Variants in MNAT1 observed in about 807,000 individuals in gnomAD.
MNAT1 encodes MNAT1 component of CDK activating kinase, also known as CDK-activating kinase assembly factor MAT1.
In MNAT1, 43 loss-of-function variants were observed where a neutral mutation model predicts 42.0. The observed-to-expected ratio is 1.02, with a 90% confidence interval of 0.80 to 1.32. The LOEUF is 1.32. Ranked by LOEUF, MNAT1 falls within the 40% of genes most tolerant of loss-of-function variation. The probability of loss-of-function intolerance (pLI) is 0.00; values close to 1 mark genes in which losing one functional copy is unlikely to be tolerated. For synonymous variants in MNAT1, 118 were observed against 120.0 expected, an observed-to-expected ratio of 0.98 and a Z score of 0.11; for missense variants, 306 against 350.4, an observed-to-expected ratio of 0.87 and a Z score of 1.01.
chr14:60,891,111 T>C (rs2034833990), intron 7 of MNAT1, among the ~76,000 whole-genome samples: 1 of 152,202 alleles, frequency 6.6e-6, no homozygotes, highest in Non-Finnish European at 1.5e-5. Context: ...TTAATTTCTT[T>C]AGAATTGGTA....
intron 3 of MNAT1, among the ~76,000 whole-genome samples, chr14:60,805,343 C>T (rs984880707): frequency 4.6e-5 from 7 of 151,992 alleles, no homozygotes; most frequent in African/African-American, 1.7e-4. Context: ...GCACAGCCTC[C>T]CCCATTATTA....
intron 6 of MNAT1, among the ~76,000 whole-genome samples, chr14:60,865,498 G>A (rs1337952433): frequency 6.6e-6 from 1 of 152,048 alleles, no homozygotes; most frequent in Non-Finnish European, 1.5e-5. Flanking sequence ...TTTTAAAGGA[G>A]GCAGGTTTTG....
chr14:60,879,814 T>C lies in MNAT1; in HGVS notation c.788T>C (p.Leu263Pro), dbSNP rs2034513005. ...IETYGPHVPE[L>P]EMLGRLGYLN... ...ACATATGGACCACATGTTCCTGAGC[T>C]TGAGATGCTAGGAAGACTTGGGTAT... Residue 263 changes from leucine (L) to proline (P), a missense_variant, in exon 7 of 8, where the codon CTT becomes CCT. Leu to Pro is a moderately conservative substitution (Grantham distance 98, BLOSUM62 -3). Coordinates refer to ENST00000261245, the MANE Select transcript of MNAT1 (RefSeq NM_002431.4). 1 of 1,612,764 alleles carries C rather than the reference T, an allele frequency of 6.2e-7. No homozygotes were observed. Among genetic ancestry groups the C allele is most frequent in the Admixed American group, 1.7e-5 (1 of 59,900 alleles).
At chr14:60,803,253 C>A (rs1285388232) in intron 3 of MNAT1, among the ~76,000 whole-genome samples, 2 of 152,100 alleles carry the variant, frequency 1.3e-5, no homozygotes, top group Non-Finnish European at 2.9e-5. Context: ...CTGTAAAAAT[C>A]TTGTTTCAAT....
At chr14:60,885,311 C>T (rs2034640583) in intron 7 of MNAT1, among the ~76,000 whole-genome samples, 1 of 151,826 alleles carries the variant, frequency 6.6e-6, no homozygotes, top group African/African-American at 2.4e-5. Context: ...CCTATTTAGG[C>T]CCCATAACTC....
chr14:60,807,700 TTAG>T (rs2032415971), intron 3 of MNAT1, among the ~76,000 whole-genome samples: 1 of 152,134 alleles, frequency 6.6e-6, no homozygotes, highest in Admixed American at 6.6e-5. Flanking sequence ...TACAGAAAAT[TTAG>T]TAGTATCTAA....
chr14:60,762,671 A>C (rs907618087), intron 1 of MNAT1, among the ~76,000 whole-genome samples: 2 of 130,990 alleles, frequency 1.5e-5, no homozygotes, highest in African/African-American at 5.8e-5. Context: ...ACACCTCTGC[A>C]CTCCATTCTG....
At chr14:60,855,203 T>TG (rs1270222448) in intron 6 of MNAT1, among the ~76,000 whole-genome samples, 1 of 152,174 alleles carries the variant, frequency 6.6e-6, no homozygotes. Flanking sequence ...CACACTGCTG[T>TG]GCTGGCAGCG....
chr14:60,776,053 A>G (rs568822051), intron 1 of MNAT1, among the ~76,000 whole-genome samples: 5 of 152,348 alleles, frequency 3.3e-5, no homozygotes, highest in African/African-American at 1.2e-4. Flanking sequence ...ACTGGTAGAT[A>G]GATGGCTTCA....
intron 1 of MNAT1, among the ~76,000 whole-genome samples, chr14:60,764,171 G>C (rs1313265851): frequency 6.6e-6 from 1 of 151,916 alleles, no homozygotes; most frequent in African/African-American, 2.4e-5. Flanking sequence ...ATTTGTTAGT[G>C]GTATGATATA....
At position 60,876,259 on chromosome 14, in the gene MNAT1, T is replaced by A. The variant is rs542847674; in HGVS notation, c.688-3455T>A. 5.9e-5 allele frequency among the ~76,000 whole-genome samples: 9 copies of A among 152,226 alleles called. No individual in the cohort carries two copies. The East Asian group carries it at 1.7e-3, about 29-fold the overall frequency. Reference sequence around the variant, plus strand: ...TATAAGATTTAGCTTAACAGTTTCATGTTTATTTAGAAAGGCTGTGGAACA... The same window carrying A: ...TATAAGATTTAGCTTAACAGTTTCAAGTTTATTTAGAAAGGCTGTGGAACA... On this transcript the variant is annotated intron_variant, in intron 6 of 7. Coordinates refer to ENST00000261245, the MANE Select transcript of MNAT1 (RefSeq NM_002431.4).
At chr14:60,774,494 G>A (rs1056619564) in intron 1 of MNAT1, among the ~76,000 whole-genome samples, 1 of 152,156 alleles carries the variant, frequency 6.6e-6, no homozygotes, top group African/African-American at 2.4e-5. Context: ...TCATGAACAA[G>A]GGTGAGAAAT....
intron 6 of MNAT1, among the ~76,000 whole-genome samples, chr14:60,874,872 C>T (rs1594822463): frequency 6.6e-6 from 1 of 152,192 alleles, no homozygotes; most frequent in East Asian, 1.9e-4. Context: ...CCTGTTAAGC[C>T]ATTATCTGCT....
In MNAT1 at chr14:60,932,692, A is replaced by G. The variant is rs1178263421; in HGVS notation, c.810-35537A>G. 2.6e-5 allele frequency among the ~76,000 whole-genome samples: 4 copies of G among 152,140 alleles called. No homozygotes were observed. The East Asian group carries it at 7.7e-4, about 29-fold the overall frequency. Reference sequence around the variant, plus strand: ...TCTGCACTACTGACATTAATTCCCAATAGTTAAACATAATAGATGACCATA... The same window carrying G: ...TCTGCACTACTGACATTAATTCCCAGTAGTTAAACATAATAGATGACCATA... On this transcript the variant is annotated intron_variant, in intron 7 of 7. Coordinates refer to ENST00000261245, the MANE Select transcript of MNAT1 (RefSeq NM_002431.4).
In MNAT1 at chr14:60,898,283, G is replaced by C. The variant is rs182552939; in HGVS notation, c.809+18448G>C. The stretch of plus-strand genomic sequence containing the variant: ...ATACTGATTTCTTTTCCTTTGGTTA[G>C]ATACCCAGTAGTGGGATTGCTGGAT... On this transcript the variant is annotated intron_variant, in intron 7 of 7. Transcript: ENST00000261245. 4.5e-3 allele frequency among the ~76,000 whole-genome samples: 683 copies of C among 152,160 alleles called. 11 individuals are homozygous for C. Among genetic ancestry groups the C allele is most frequent in the African/African-American group, 0.016 (657 of 41,522 alleles).
chr14:60,806,341 G>A (rs190783585), intron 3 of MNAT1, among the ~76,000 whole-genome samples: 2 of 152,298 alleles, frequency 1.3e-5, no homozygotes, highest in East Asian at 3.9e-4. Context: ...ATTCACTGTT[G>A]TTCTGGGTTG....
chr14:60,819,240 A>G (rs2032808793), intron 6 of MNAT1, among the ~76,000 whole-genome samples: 2 of 152,080 alleles, frequency 1.3e-5, no homozygotes, highest in Admixed American at 6.5e-5. Context: ...AAAAACTCTG[A>G]AAGCCATTTT....
At chr14:60,897,423 CTAATA>C (rs2034979747) in intron 7 of MNAT1, among the ~76,000 whole-genome samples, 1 of 151,982 alleles carries the variant, frequency 6.6e-6, no homozygotes. Flanking sequence ...AATGACTTCT[CTAATA>C]TGATATTTCA....
At chr14:60,908,231 A>C (rs1020590419) in intron 7 of MNAT1, among the ~76,000 whole-genome samples, 14 of 152,164 alleles carry the variant, frequency 9.2e-5, no homozygotes, top group Non-Finnish European at 1.5e-4. Flanking sequence ...TTTTACGTTT[A>C]AATTTTTTTA....
Sources: allele counts gnomAD v4.1 joint callset (sites outside exome capture counted in the v4.1 genomes callset), GRCh38; gene constraint gnomAD v4.1.1; transcripts MANE v1.5; gene names NCBI Gene and HGNC (gene_info 2026-07-23, HGNC 2026-07-21).